Variants in SNTG2 observed in about 807,000 individuals in gnomAD.
SNTG2 encodes gamma-2-syntrophin.
In SNTG2, 74 loss-of-function variants were observed where a neutral mutation model predicts 70.9. That is an observed-to-expected ratio of 1.04 (90% confidence interval 0.86 to 1.27). SNTG2 has a LOEUF of 1.27. Among genes scored for constraint, SNTG2 ranks in the 50% most tolerant of loss-of-function variants. The pLI is 0.00. For missense variants in SNTG2, 717 were observed against 690.7 expected (o/e 1.04, Z -0.43); for synonymous variants, 278 against 273.8 (o/e 1.02, Z -0.15).
chr2:1,075,824 C>T (rs1663880164), intron 1 of SNTG2, among the ~76,000 whole-genome samples: 2 of 152,166 alleles, frequency 1.3e-5, no homozygotes. Context: ...GATAACCTGC[C>T]AGAAAAATGA....
rs553891624 is a variant in SNTG2, at chr2:1,265,037, T to A, written c.1078-2328T>A. On this transcript the variant is annotated intron_variant, in intron 13 of 16. Transcript: ENST00000308624. ...TCAACTGCGTGAGAGTTGGCGCCCC[T>A]AACCCCTGGGTTGTTCAAGGCCCAA... 1.6e-4 allele frequency among the ~76,000 whole-genome samples: 25 copies of A among 152,356 alleles called. 2 individuals carry two copies. The highest frequency in any genetic ancestry group is 5.8e-4 in the African/African-American group (24 of 41,592).
intron 16 of SNTG2, among the ~76,000 whole-genome samples, chr2:1,352,713 A>T (rs950592719): frequency 6.6e-6 from 1 of 152,206 alleles, no homozygotes; most frequent in East Asian, 1.9e-4. Flanking sequence ...TAAGGATCAG[A>T]TTCTACTTCA....
intron 14 of SNTG2, among the ~76,000 whole-genome samples, chr2:1,270,040 C>T (rs563817347): frequency 7.9e-5 from 12 of 152,254 alleles, no homozygotes; most frequent in South Asian, 2.1e-4. Context: ...AAAGAAGCCC[C>T]GGGTGGATGC....
rs527705214 is a variant in SNTG2 at position 1,241,408 on chromosome 2, A to G, written c.888+1632A>G. Among the ~76,000 whole-genome samples, 10 of 152,322 alleles carry G rather than the reference A, an allele frequency of 6.6e-5. 2 individuals carry two copies. In the South Asian group the frequency reaches 2.1e-3, roughly 32 times the overall value. On this transcript the variant is annotated intron_variant, in intron 11 of 16. Transcript: ENST00000308624. ...CAGAGAAATGCTGACTTTTGTAGCT[A>G]TACTGGAATTACTCCTCATGTTGGA...
At chr2:1,036,550 T>G (rs996168210) in intron 1 of SNTG2, among the ~76,000 whole-genome samples, 16 of 152,202 alleles carry the variant, frequency 1.1e-4, no homozygotes, top group African/African-American at 3.9e-4. Flanking sequence ...CACTGTGGTT[T>G]TTAATTTGAT....
intron 2 of SNTG2, among the ~76,000 whole-genome samples, chr2:1,089,010 T>A (rs1047060469): frequency 6.6e-6 from 1 of 152,246 alleles, no homozygotes; most frequent in Non-Finnish European, 1.5e-5. Context: ...AGCAAGTGAT[T>A]TGTGAAATTT....
chr2:1,032,226 A>G (rs745977737), intron 1 of SNTG2, among the ~76,000 whole-genome samples: 5 of 152,184 alleles, frequency 3.3e-5, no homozygotes, highest in African/African-American at 9.6e-5. Context: ...CTCATGATTG[A>G]TATGACCAAG....
In SNTG2 at chr2:1,311,097, G is replaced by A. The variant is rs564127695; in HGVS notation, c.1377+2511G>A. On this transcript the variant is annotated intron_variant, in intron 15 of 16. Transcript: ENST00000308624. ...CTGGGCCAGCTCCAGCCCTCTACCC[G>A]CTCTCTCTGCTTCCAGGGAGGAACT... Among the ~76,000 whole-genome samples the A allele has an allele frequency of 2.0e-4, 30 of 152,260 alleles. No homozygotes were observed. In the East Asian group the frequency reaches 3.7e-3, roughly 19 times the overall value.
intron 2 of SNTG2, among the ~76,000 whole-genome samples, chr2:1,088,508 C>T (rs534215804): frequency 6.6e-6 from 1 of 152,306 alleles, no homozygotes; most frequent in Admixed American, 6.5e-5. Flanking sequence ...CCACAGAGCT[C>T]ATCAGTGTAG....
At chr2:968,883 A>G (rs1355559316) in intron 1 of SNTG2, among the ~76,000 whole-genome samples, 1 of 151,822 alleles carries the variant, frequency 6.6e-6, no homozygotes, top group Admixed American at 6.6e-5. Flanking sequence ...ATTAGGTCCT[A>G]TTTGTCAATG....
intron 1 of SNTG2, among the ~76,000 whole-genome samples, chr2:1,035,096 A>G (rs973418935): frequency 6.6e-6 from 1 of 152,218 alleles, no homozygotes; most frequent in Non-Finnish European, 1.5e-5. Context: ...AAATTAAACA[A>G]ACTACTCCTG....
chr2:1,066,757 A>G (rs1327194432), intron 1 of SNTG2, among the ~76,000 whole-genome samples: 1 of 152,060 alleles, frequency 6.6e-6, no homozygotes, highest in Non-Finnish European at 1.5e-5. Context: ...GCACCCACTT[A>G]TCGAGCTTCC....
At chr2:1,264,658 G>A (rs1038172740) in intron 13 of SNTG2, among the ~76,000 whole-genome samples, 1 of 152,124 alleles carries the variant, frequency 6.6e-6, no homozygotes, top group African/African-American at 2.4e-5. Context: ...ACAGTGCAGT[G>A]CTCTAAGTAT....
intron 1 of SNTG2, among the ~76,000 whole-genome samples, chr2:1,023,780 C>T (rs1476537876): frequency 6.6e-6 from 1 of 152,164 alleles, no homozygotes; most frequent in Non-Finnish European, 1.5e-5. Context: ...TCCAGAACCT[C>T]GGCAGTCTGC....
rs777738585 is a variant in SNTG2, at chr2:1,165,569, GGCGATGAA to G, written c.435_442del (p.Asp146TyrfsTer5). On this transcript the variant is annotated frameshift_variant, in exon 7 of 17. Transcript: ENST00000308624. LOFTEE classifies it high-confidence loss of function. ...ACAGGTGCATCTGCTGAGAAATGCTGGCGATGAAGTTACCATCACCGTTGAGTATCTCA... is the reference window on the plus strand; with the variant it reads ...ACAGGTGCATCTGCTGAGAAATGCTGGTTACCATCACCGTTGAGTATCTCA... The G allele has an allele frequency of 2.4e-4, 393 of 1,612,758 alleles. No homozygotes were observed. The highest frequency in any genetic ancestry group is 3.3e-4 in the Non-Finnish European group (384 of 1,179,566).
At chr2:1,152,327 G>T (rs1414926656) in intron 6 of SNTG2, among the ~76,000 whole-genome samples, 1 of 152,246 alleles carries the variant, frequency 6.6e-6, no homozygotes, top group Non-Finnish European at 1.5e-5. Context: ...GAGCGAGTAG[G>T]AAAGATATTG....
rs567431927 is a variant in SNTG2 at position 1,044,211 on chromosome 2, A to G, written c.73-39307A>G. Among the ~76,000 whole-genome samples, 25 of 152,048 alleles carry G rather than the reference A, an allele frequency of 1.6e-4. No homozygotes were observed. In the South Asian group the frequency reaches 5.2e-3, roughly 32 times the overall value. On this transcript the variant is annotated intron_variant, in intron 1 of 16. Coordinates refer to ENST00000308624, the MANE Select transcript of SNTG2 (RefSeq NM_018968.4). The stretch of plus-strand genomic sequence containing the variant: ...TGTGAATTTGGCTCTCAGCTTGGAC[A>G]TTAATGTTATATAGAAATGCTACTA...
At chr2:1,005,828 TA>T (rs758764493) in intron 1 of SNTG2, among the ~76,000 whole-genome samples, 10,327 of 31,098 alleles carry the variant, frequency 0.33, 1,598 homozygotes, top group South Asian at 0.54. Context: ...TATATATATA[TA>T]TATATATATA....
At chr2:1,265,739 C>G (rs1247710997) in intron 13 of SNTG2, among the ~76,000 whole-genome samples, 1 of 152,218 alleles carries the variant, frequency 6.6e-6, no homozygotes, top group African/African-American at 2.4e-5. Context: ...GACTGTCCAG[C>G]TTGGCTGGTT....
Sources: allele counts gnomAD v4.1 joint callset (sites outside exome capture counted in the v4.1 genomes callset), GRCh38; gene constraint gnomAD v4.1.1; transcripts MANE v1.5; gene names NCBI Gene and HGNC (gene_info 2026-07-23, HGNC 2026-07-21).